The following FANCB variants were observed in gnomAD, a reference collection of about 807,000 sequenced individuals.
The protein encoded by FANCB is FA complementation group B, also known as Fanconi anemia group B protein.
Under a neutral mutation model 38.9 loss-of-function variants are expected in FANCB, and 5 were observed. The observed-to-expected ratio is 0.13, with a 90% CI of 0.07 to 0.27. The LOEUF (loss-of-function observed/expected upper bound fraction) is 0.27. FANCB is among the 10% of genes least tolerant of loss of function. The pLI, the probability that FANCB is intolerant of heterozygous loss-of-function variation, is 1.00. For missense variants in FANCB, 573 were observed against 602.7 expected, an observed-to-expected ratio of 0.95 and a Z score of 0.52; for synonymous variants, 236 against 215.4, an observed-to-expected ratio of 1.10 and a Z score of -0.84.
chrX:14,690,380 TTAACA>T, the FANCB span, among the ~76,000 whole-genome samples: 1 of 111,829 alleles, frequency 8.9e-6, no homozygotes, highest in Non-Finnish European at 1.9e-5. Flanking sequence ...ATTGAGCTAC[TTAACA>T]TATGCATTAT....
chrX:14,859,326 A>C lies in FANCB; in HGVS notation c.960T>G (p.Ala320=), dbSNP rs139045247. ...AVWKESFQVA[A]KWEKLSLVLI... Reference sequence around the variant, plus strand: ...GTACTAAGCTAAGTTTTTCCCATTTAGCAGCAACCTAAAAGAAAGGGAGCA... The same window carrying C: ...GTACTAAGCTAAGTTTTTCCCATTTCGCAGCAACCTAAAAGAAAGGGAGCA... Residue 320 remains alanine (A), a synonymous_variant, in exon 4 of 10, where the codon GCT becomes GCG. Coordinates refer to ENST00000650831, the MANE Select transcript of FANCB (RefSeq NM_001018113.3). 34 of 1,187,231 alleles carry C rather than the reference A, an allele frequency of 2.9e-5. No individual in the cohort carries two copies. The African/African-American group carries it at 4.2e-4, about 15-fold the overall frequency.
chrX:14,730,615 G>GT, the FANCB span: 1 of 209,630 alleles, frequency 4.8e-6, no homozygotes, highest in South Asian at 6.8e-5. Flanking sequence ...ATGGGGGTGG[G>GT]TTTCCTGGCA....
chrX:14,705,355 G>A, the FANCB span, among the ~76,000 whole-genome samples: 1 of 111,780 alleles, frequency 8.9e-6, no homozygotes, highest in Non-Finnish European at 1.9e-5. Flanking sequence ...ATGTATGGAG[G>A]CGTTTTTAGT....
At chrX:14,771,066 T>C in the FANCB span, among the ~76,000 whole-genome samples, 4 of 111,440 alleles carry the variant, frequency 3.6e-5, no homozygotes, top group Non-Finnish European at 5.7e-5. Flanking sequence ...GCCCTTAACA[T>C]TTTTTCTTTC....
the FANCB span, among the ~76,000 whole-genome samples, chrX:14,807,297 CAG>C: frequency 8.9e-6 from 1 of 112,210 alleles, no homozygotes; most frequent in African/African-American, 3.2e-5. Context: ...GTACTTACTG[CAG>C]AGTCACCAGA....
intron 3 of FANCB, chrX:14,862,118 C>G (rs1056672670): frequency 2.9e-5 from 3 of 104,607 alleles, no homozygotes; most frequent in African/African-American, 1.1e-4. Flanking sequence ...TTTAAAGTAA[C>G]TGAATATTTT....
rs1468153970 is a variant in FANCB at position 14,844,745 on chromosome X, A to G, written c.1928-5T>C. 5 of 1,186,323 alleles carry G rather than the reference A, an allele frequency of 4.2e-6. No individual in the cohort carries two copies. The highest frequency in any genetic ancestry group is 1.1e-6 in the Non-Finnish European group (1 of 873,330). On this transcript the variant is annotated splice_polypyrimidine_tract_variant and splice_region_variant and intron_variant, in intron 8 of 9. Coordinates refer to ENST00000650831, the MANE Select transcript of FANCB (RefSeq NM_001018113.3). ...CAAAAAGATCTTCCATGTGCTCTAC[A>G]AAAAAAGTCACAAGCTCTATCATTA...
chrX:14,745,048 G>A, the FANCB span, among the ~76,000 whole-genome samples: 1 of 111,901 alleles, frequency 8.9e-6, no homozygotes, highest in East Asian at 2.8e-4. Context: ...TGGTGTGGCT[G>A]CACGAACAGG....
the FANCB span, among the ~76,000 whole-genome samples, chrX:14,813,049 A>G: frequency 2.0e-5 from 2 of 100,657 alleles, no homozygotes; most frequent in Non-Finnish European, 4.0e-5. Context: ...ATATAAACAG[A>G]ACCAAAGACA....
the FANCB span, among the ~76,000 whole-genome samples, chrX:14,818,573 T>G: frequency 9.1e-6 from 1 of 110,228 alleles, no homozygotes; most frequent in Non-Finnish European, 1.9e-5. Flanking sequence ...AAATCTAAGT[T>G]GAAGGGATGA....
intron 3 of FANCB, among the ~76,000 whole-genome samples, chrX:14,862,545 C>T (rs1163054444): frequency 9.0e-6 from 1 of 111,501 alleles, no homozygotes; most frequent in Admixed American, 9.5e-5. Context: ...AAGAGAGTGA[C>T]GATTGCAATT....
chrX:14,785,842 C>G, the FANCB span, among the ~76,000 whole-genome samples: 1 of 111,474 alleles, frequency 9.0e-6, no homozygotes, highest in African/African-American at 3.3e-5. Flanking sequence ...TTTACCTCCC[C>G]CAAGTGATGG....
At position 14,864,697 on chromosome X, in the gene FANCB, T is replaced by A; in HGVS notation, c.814A>T (p.Thr272Ser). ...KNQLISFQNG[T>S]PKNVCQLPFG... ...GGAAGCTGGCACACATTTTTAGGAG[T>A]TCCATTCTGAAATGAAATCAGCTGA... Residue 272 changes from threonine (T) to serine (S), a missense_variant, in exon 3 of 10, where the codon ACT (threonine) becomes TCT (serine). By Grantham distance (58) the Thr-to-Ser change is moderately conservative. Coordinates refer to ENST00000650831, the MANE Select transcript of FANCB (RefSeq NM_001018113.3). 8.3e-7 allele frequency: 1 copy of A among 1,210,800 alleles called. No individual in the cohort carries two copies. Among genetic ancestry groups the A allele is most frequent in the Non-Finnish European group, 1.1e-6 (1 of 894,710 alleles).
At chrX:14,839,853 G>T (rs886995506), downstream of FANCB, among the ~76,000 whole-genome samples, 4 of 108,314 alleles carry the variant, frequency 3.7e-5, no homozygotes, top group Non-Finnish European at 7.6e-5. Context: ...TGTTACAAGG[G>T]ATTTTTTTTT....
the FANCB span, among the ~76,000 whole-genome samples, chrX:14,775,112 G>A: frequency 4.8e-5 from 5 of 105,008 alleles, no homozygotes; most frequent in South Asian, 8.6e-4. Context: ...GATTACAGGC[G>A]TGAGCCACCG....
At chrX:14,793,068 C>G in the FANCB span, among the ~76,000 whole-genome samples, 9 of 111,755 alleles carry the variant, frequency 8.1e-5, no homozygotes, top group Admixed American at 8.6e-4. Flanking sequence ...CCATATTTAC[C>G]TAATGGAATT....
chrX:14,798,140 T>G, the FANCB span, among the ~76,000 whole-genome samples: 34 of 111,281 alleles, frequency 3.1e-4, no homozygotes, highest in East Asian at 2.0e-3. Context: ...TTTTTGTTTT[T>G]TTTTTGTTTT....
chrX:14,707,963 G>GTTTC, the FANCB span, among the ~76,000 whole-genome samples: 1 of 110,794 alleles, frequency 9.0e-6, no homozygotes, highest in South Asian at 3.8e-4. Flanking sequence ...ATTGTTACCA[G>GTTTC]TTTCTTTTTT....
At chrX:14,811,720 C>T in the FANCB span, among the ~76,000 whole-genome samples, 1 of 111,345 alleles carries the variant, frequency 9.0e-6, no homozygotes, top group Admixed American at 9.5e-5. Flanking sequence ...TAATGGGACA[C>T]TTTAAGACTT....
Sources: gnomAD v4.1 joint callset for allele counts (sites outside exome capture counted in the v4.1 genomes callset) on GRCh38, gnomAD v4.1.1 for gene constraint, MANE v1.5 for transcripts, NCBI Gene and HGNC (gene_info 2026-07-23, HGNC 2026-07-21) for gene names.